Variants in MGAT4C observed in about 807,000 individuals in gnomAD.
The protein encoded by MGAT4C is MGAT4 family member C, also known as alpha-1,3-mannosyl-glycoprotein 4-beta-N-acetylglucosaminyltransferase C.
Under a neutral mutation model 40.1 loss-of-function variants are expected in MGAT4C, and 19 were observed. The observed-to-expected ratio is 0.47, with a 90% CI of 0.33 to 0.70. MGAT4C has a LOEUF of 0.70. Ranked by LOEUF, MGAT4C falls within the 30% of genes least tolerant of loss-of-function variation. MGAT4C has a pLI of 0.02. For missense variants in MGAT4C, 491 were observed against 563.2 expected (o/e 0.87, Z 1.30); for synonymous variants, 181 against 187.1 (o/e 0.97, Z 0.27).
rs1005335089 is a variant in MGAT4C at position 86,704,896 on chromosome 12, T to C, written c.-229+22313A>G. 4.6e-4 allele frequency among the ~76,000 whole-genome samples: 70 copies of C among 152,128 alleles called. 1 individual carries two copies. Among genetic ancestry groups the C allele is most frequent in the Admixed American group, 4.6e-3 (70 of 15,244 alleles). ...CATAAATATTTTTCATATCTTGTTC[T>C]TCATTAACATTAGCAGCAGCTTGTT... On this transcript the variant is annotated intron_variant, in intron 2 of 7. Transcript: ENST00000548651.
At chr12:86,658,108 T>C (rs1218593610) in intron 2 of MGAT4C, among the ~76,000 whole-genome samples, 1 of 151,998 alleles carries the variant, frequency 6.6e-6, no homozygotes, top group East Asian at 1.9e-4. Context: ...ATATGAGATA[T>C]ATGCATGCAG....
intron 1 of MGAT4C, among the ~76,000 whole-genome samples, chr12:86,771,980 A>C (rs1951648075): frequency 6.6e-6 from 1 of 152,150 alleles, no homozygotes; most frequent in Admixed American, 6.6e-5. Context: ...CAAAATACTA[A>C]AGGAGAGAGA....
intron 2 of MGAT4C, among the ~76,000 whole-genome samples, chr12:86,557,300 A>C (rs1467853033): frequency 1.3e-5 from 2 of 152,298 alleles, no homozygotes; most frequent in Non-Finnish European, 2.9e-5. Flanking sequence ...CAATAATAAA[A>C]TATTTTTGGG....
At chr12:86,705,727 C>G (rs1329099939) in intron 2 of MGAT4C, among the ~76,000 whole-genome samples, 1 of 152,082 alleles carries the variant, frequency 6.6e-6, no homozygotes, top group East Asian at 1.9e-4. Context: ...ACAAAGTTAA[C>G]TTTAGAGAGC....
chr12:86,295,633 C>T (rs1391032273), intron 4 of MGAT4C, among the ~76,000 whole-genome samples: 1 of 152,180 alleles, frequency 6.6e-6, no homozygotes, highest in Non-Finnish European at 1.5e-5. Flanking sequence ...ATTCTCTTAT[C>T]TGGCCCCACC....
At chr12:86,208,754 T>G (rs1950352297) in intron 1 of MGAT4C, among the ~76,000 whole-genome samples, 1 of 152,174 alleles carries the variant, frequency 6.6e-6, no homozygotes, top group Non-Finnish European at 1.5e-5. Flanking sequence ...CAGTAGCATT[T>G]TGAAGAGTAA....
intron 3 of MGAT4C, among the ~76,000 whole-genome samples, chr12:86,380,980 T>C (rs1296226332): frequency 6.6e-6 from 1 of 152,124 alleles, no homozygotes; most frequent in Non-Finnish European, 1.5e-5. Context: ...GGCCAATTTA[T>C]ACAATAAAAT....
At chr12:86,269,018 AT>A (rs1190841758) in intron 4 of MGAT4C, among the ~76,000 whole-genome samples, 689 of 4,928 alleles carry the variant, frequency 0.14, 33 homozygotes, top group African/African-American at 0.34. Flanking sequence ...ACTTACATAT[AT>A]ATATATATAT....
At chr12:86,091,004 A>T (rs1039865152) in intron 1 of MGAT4C, among the ~76,000 whole-genome samples, 1 of 151,982 alleles carries the variant, frequency 6.6e-6, no homozygotes, top group South Asian at 2.1e-4. Context: ...ATGTAGTTTT[A>T]TCTTCCCTTT....
At chr12:86,071,144 G>A (rs777552570) in intron 1 of MGAT4C, among the ~76,000 whole-genome samples, 1 of 152,016 alleles carries the variant, frequency 6.6e-6, no homozygotes, top group African/African-American at 2.4e-5. Flanking sequence ...TATTAAATTC[G>A]CTGTGAAAAT....
At chr12:86,329,270 G>T in intron 4 of MGAT4C, among the ~76,000 whole-genome samples, 1 of 152,002 alleles carries the variant, frequency 6.6e-6, no homozygotes, top group East Asian at 1.9e-4. Context: ...TTGGCCGGGC[G>T]TGGTGGCTCA....
intron 3 of MGAT4C, among the ~76,000 whole-genome samples, chr12:86,373,747 G>C (rs553796221): frequency 1.1e-4 from 16 of 151,806 alleles, no homozygotes; most frequent in African/African-American, 3.9e-4. Context: ...ACACAGTGAA[G>C]GGGTCAATAG....
At chr12:86,359,440 T>A (rs1437437938) in intron 3 of MGAT4C, among the ~76,000 whole-genome samples, 3 of 151,762 alleles carry the variant, frequency 2.0e-5, no homozygotes, top group African/African-American at 7.3e-5. Context: ...AGCAAACACA[T>A]TCAAAAGCTA....
intron 2 of MGAT4C, among the ~76,000 whole-genome samples, chr12:86,564,641 CTGT>C (rs1435217988): frequency 6.6e-6 from 1 of 152,178 alleles, no homozygotes; most frequent in Non-Finnish European, 1.5e-5. Flanking sequence ...GGTGTAGGGC[CTGT>C]TGAGATATTC....
intron 4 of MGAT4C, among the ~76,000 whole-genome samples, chr12:86,269,830 C>T (rs1453117412): frequency 6.6e-6 from 1 of 152,010 alleles, no homozygotes; most frequent in East Asian, 1.9e-4. Context: ...TACCCTGGTT[C>T]CCAATCTCCT....
At chr12:86,463,050 C>G (rs894397278) in intron 2 of MGAT4C, among the ~76,000 whole-genome samples, 22 of 152,230 alleles carry the variant, frequency 1.4e-4, no homozygotes, top group African/African-American at 5.3e-4. Context: ...TATTTCCATA[C>G]CACCCAGAAT....
At chr12:86,679,677 C>T (rs1396987598) in intron 2 of MGAT4C, among the ~76,000 whole-genome samples, 1 of 152,046 alleles carries the variant, frequency 6.6e-6, no homozygotes, top group Non-Finnish European at 1.5e-5. Flanking sequence ...AGAGAGCTAT[C>T]TAGCTCCTTC....
intron 2 of MGAT4C, among the ~76,000 whole-genome samples, chr12:86,724,777 C>T (rs553117375): frequency 6.6e-6 from 1 of 152,204 alleles, no homozygotes; most frequent in South Asian, 2.1e-4. Context: ...TCTTCCTATC[C>T]AACTCTAACT....
intron 3 of MGAT4C, among the ~76,000 whole-genome samples, chr12:86,370,502 C>T (rs886322078): frequency 1.3e-5 from 2 of 151,950 alleles, no homozygotes; most frequent in African/African-American, 4.8e-5. Flanking sequence ...GTTACCAGAG[C>T]TTAAATATCT....
Sources: gnomAD v4.1 joint callset for allele counts (sites outside exome capture counted in the v4.1 genomes callset) on GRCh38, gnomAD v4.1.1 for gene constraint, MANE v1.5 for transcripts, NCBI Gene and HGNC (gene_info 2026-07-23, HGNC 2026-07-21) for gene names.